The following TRPM3 variants were observed in gnomAD, a reference collection of about 807,000 sequenced individuals.
TRPM3 encodes the protein long transient receptor potential channel 3.
Under a neutral mutation model 181.2 loss-of-function variants are expected in TRPM3, and 77 were observed. The observed-to-expected ratio is 0.42, with a 90% confidence interval of 0.35 to 0.51. The LOEUF (loss-of-function observed/expected upper bound fraction) is 0.51. TRPM3 is among the 20% of genes least tolerant of loss of function. TRPM3 has a pLI of 0.01. For missense variants in TRPM3, 1,759 were observed against 2,196.7 expected, an observed-to-expected ratio of 0.80 and a Z score of 3.98; for synonymous variants, 745 against 796.4, an observed-to-expected ratio of 0.94 and a Z score of 1.09.
At chr9:71,239,005 A>G (rs1376571011) in intron 1 of TRPM3, among the ~76,000 whole-genome samples, 1 of 152,156 alleles carries the variant, frequency 6.6e-6, no homozygotes, top group African/African-American at 2.4e-5. Flanking sequence ...GGTGCACATG[A>G]CTGTGTCAGA....
At chr9:71,415,406 T>A (rs2093621667) in intron 1 of TRPM3, among the ~76,000 whole-genome samples, 1 of 152,098 alleles carries the variant, frequency 6.6e-6, no homozygotes, top group Non-Finnish European at 1.5e-5. Flanking sequence ...ACCTAAATAT[T>A]GTCTATTTAT....
intron 1 of TRPM3, among the ~76,000 whole-genome samples, chr9:71,326,246 T>C (rs930733441): frequency 4.6e-5 from 7 of 152,160 alleles, no homozygotes; most frequent in Non-Finnish European, 8.8e-5. Flanking sequence ...TGATATTTAT[T>C]AATAATTTAG....
intron 1 of TRPM3, among the ~76,000 whole-genome samples, chr9:71,431,762 G>A (rs1276826670): frequency 6.6e-6 from 1 of 152,078 alleles, no homozygotes; most frequent in African/African-American, 2.4e-5. Context: ...ACCCACAGTG[G>A]AATGATGATG....
intron 3 of TRPM3, among the ~76,000 whole-genome samples, chr9:70,851,937 G>A (rs925435420): frequency 6.6e-6 from 1 of 151,780 alleles, no homozygotes. Context: ...GGCCAACATG[G>A]TGAAACCCCA....
At chr9:70,838,173 A>C (rs2131895923) in intron 5 of TRPM3, among the ~76,000 whole-genome samples, 1 of 152,364 alleles carries the variant, frequency 6.6e-6, no homozygotes, top group Middle Eastern at 3.4e-3. Context: ...AAACTATGAC[A>C]TTAAGGGTTA....
At chr9:71,176,508 A>T (rs2077113490) in intron 1 of TRPM3, among the ~76,000 whole-genome samples, 1 of 152,204 alleles carries the variant, frequency 6.6e-6, no homozygotes, top group Admixed American at 6.6e-5. Flanking sequence ...AAGAGTCAGG[A>T]AGTCAAACAA....
rs11142734 is a variant in TRPM3, at chr9:71,211,995, A to G, written c.183+234658T>C. Among the ~76,000 whole-genome samples, 5 of 152,294 alleles carry G rather than the reference A, an allele frequency of 3.3e-5. No homozygotes were observed. The East Asian group carries it at 7.7e-4, about 24-fold the overall frequency. On this transcript the variant is annotated intron_variant, in intron 1 of 24. Coordinates refer to the TRPM3 transcript ENST00000357533. ...TAGATCTTCAACTGTAATGGATTCC[A>G]CCAGGCCCCAAGATGTTGGGGTAGG...
At chr9:70,909,016 T>A (rs183697172) in intron 1 of TRPM3, among the ~76,000 whole-genome samples, 1 of 152,308 alleles carries the variant, frequency 6.6e-6, no homozygotes, top group Admixed American at 6.5e-5. Flanking sequence ...TAGAAGGTAA[T>A]AAAGCATCTT....
intron 5 of TRPM3, among the ~76,000 whole-genome samples, chr9:70,831,124 C>T (rs1333629417): frequency 6.6e-6 from 1 of 152,096 alleles, no homozygotes; most frequent in Admixed American, 6.6e-5. Flanking sequence ...TTAGAAATAA[C>T]TTCCCAAATA....
At chr9:70,737,792 G>A (rs1000926793) in intron 8 of TRPM3, among the ~76,000 whole-genome samples, 3 of 152,096 alleles carry the variant, frequency 2.0e-5, no homozygotes, top group Non-Finnish European at 4.4e-5. Flanking sequence ...ATTAAATAAC[G>A]TTAAAAGGAC....
chr9:71,251,989 T>A (rs1055173112), intron 1 of TRPM3, among the ~76,000 whole-genome samples: 3 of 152,176 alleles, frequency 2.0e-5, no homozygotes, highest in African/African-American at 7.2e-5. Flanking sequence ...TTTCACTTAA[T>A]ATAACCACTT....
chr9:71,142,708 T>C (rs919704792), intron 1 of TRPM3, among the ~76,000 whole-genome samples: 1 of 146,700 alleles, frequency 6.8e-6, no homozygotes, highest in East Asian at 2.0e-4. Flanking sequence ...TTTAAAAAAT[T>C]TGCATGACAA....
chr9:71,316,601 T>C lies in TRPM3; in HGVS notation c.183+130052A>G, dbSNP rs77717021. ...GACGTAACATTGCTGTCTTTGAAGA[T>C]GGAAGGAGGAGGCCATAAGCCAAGG... On this transcript the variant is annotated intron_variant, in intron 1 of 24. Coordinates refer to the TRPM3 transcript ENST00000357533. Among the ~76,000 whole-genome samples the C allele has an allele frequency of 1.5e-4, 23 of 151,994 alleles. No individual in the cohort carries two copies. In the East Asian group the frequency reaches 4.1e-3, roughly 27 times the overall value.
At chr9:70,984,869 C>T (rs968949597) in intron 1 of TRPM3, among the ~76,000 whole-genome samples, 1 of 152,198 alleles carries the variant, frequency 6.6e-6, no homozygotes, top group African/African-American at 2.4e-5. Flanking sequence ...ATTTGTCTAG[C>T]AGCAATAGAA....
At chr9:71,298,499 T>G (rs897280187) in intron 1 of TRPM3, among the ~76,000 whole-genome samples, 1 of 151,842 alleles carries the variant, frequency 6.6e-6, no homozygotes, top group South Asian at 2.1e-4. Flanking sequence ...TATGAAGATA[T>G]AAAAATTTAT....
chr9:70,605,304 AC>A (rs1477408976), intron 19 of TRPM3, among the ~76,000 whole-genome samples: 1 of 152,116 alleles, frequency 6.6e-6, no homozygotes, highest in Non-Finnish European at 1.5e-5. Flanking sequence ...ACCCCATCAC[AC>A]TGACACATTT....
intron 1 of TRPM3, among the ~76,000 whole-genome samples, chr9:71,054,408 T>C (rs921347790): frequency 6.6e-6 from 1 of 152,110 alleles, no homozygotes; most frequent in Non-Finnish European, 1.5e-5. Flanking sequence ...ATAAAGTTCA[T>C]AGAATCTGTT....
At chr9:71,344,904 A>T (rs1442399232) in intron 1 of TRPM3, among the ~76,000 whole-genome samples, 2 of 152,204 alleles carry the variant, frequency 1.3e-5, no homozygotes, top group African/African-American at 4.8e-5. Flanking sequence ...TCAAATTAAA[A>T]AGTGGCAAAA....
intron 25 of TRPM3, among the ~76,000 whole-genome samples, chr9:70,547,654 A>C (rs2045367484): frequency 6.6e-6 from 1 of 151,808 alleles, no homozygotes; most frequent in South Asian, 2.1e-4. Flanking sequence ...GGCACCTGGG[A>C]TTGGTCTTGA....
Sources: gnomAD v4.1 joint callset for allele counts (sites outside exome capture counted in the v4.1 genomes callset) on GRCh38, gnomAD v4.1.1 for gene constraint, MANE v1.5 for transcripts, NCBI Gene and HGNC (gene_info 2026-07-23, HGNC 2026-07-21) for gene names.